The following KIAA1549L variants were observed in gnomAD, a reference collection of about 807,000 sequenced individuals.
KIAA1549L encodes KIAA1549 like.
A neutral mutation model predicts 160.7 loss-of-function variants in KIAA1549L; 88 were observed. The observed-to-expected ratio is 0.55, with a 90% CI of 0.46 to 0.65. KIAA1549L has a LOEUF of 0.65. Ranked by LOEUF, KIAA1549L falls within the 30% of genes least tolerant of loss-of-function variation. KIAA1549L has a pLI of 0.00. For synonymous variants in KIAA1549L, 950 were observed against 976.7 expected (o/e 0.97, Z 0.51); for missense variants, 2,258 against 2,437.5 (o/e 0.93, Z 1.55).
At chr11:33,473,298 A>G (rs1390647070) in intron 1 of KIAA1549L, among the ~76,000 whole-genome samples, 2 of 152,168 alleles carry the variant, frequency 1.3e-5, no homozygotes, top group Admixed American at 1.3e-4. Context: ...GGAAATTTTA[A>G]TGTAGAGTAT....
In KIAA1549L at chr11:33,441,680, G is replaced by C. The variant is rs1565138606; in HGVS notation, c.238+64791G>C. Among the ~76,000 whole-genome samples the C allele has an allele frequency of 6.6e-5, 10 of 152,238 alleles. No individual in the cohort carries two copies. The South Asian group carries it at 2.1e-3, about 32-fold the overall frequency. ...TTTCTCTGATGGCCAGTGATGATGA[G>C]CATTTTTTCATGTGTCTTTTGGCTG... is the stretch of plus-strand genomic sequence containing the variant. On this transcript the variant is annotated intron_variant, in intron 1 of 20. Transcript: ENST00000658780.
At chr11:33,575,602 T>G (rs1224775809) in intron 10 of KIAA1549L, among the ~76,000 whole-genome samples, 1 of 152,198 alleles carries the variant, frequency 6.6e-6, no homozygotes, top group Non-Finnish European at 1.5e-5. Flanking sequence ...AACAAGTGCT[T>G]AGGTGGCCCG....
At chr11:33,411,844 G>A (rs1850791177) in intron 1 of KIAA1549L, among the ~76,000 whole-genome samples, 1 of 152,166 alleles carries the variant, frequency 6.6e-6, no homozygotes, top group Non-Finnish European at 1.5e-5. Flanking sequence ...AAGAGACCAA[G>A]TTGGAGACTC....
chr11:33,629,125 C>T (rs1851203603), intron 16 of KIAA1549L, among the ~76,000 whole-genome samples: 1 of 152,186 alleles, frequency 6.6e-6, no homozygotes, highest in Non-Finnish European at 1.5e-5. Context: ...CCACTCTCTT[C>T]TGGCTTGTAG....
chr11:33,630,061 C>G (rs1053509043), intron 16 of KIAA1549L, among the ~76,000 whole-genome samples: 4 of 152,206 alleles, frequency 2.6e-5, no homozygotes, highest in Non-Finnish European at 2.9e-5. Flanking sequence ...AGGTGTCAGT[C>G]TGCCTCTGCT....
chr11:33,634,474 G>A (rs1851386865), intron 16 of KIAA1549L, among the ~76,000 whole-genome samples: 1 of 152,176 alleles, frequency 6.6e-6, no homozygotes, highest in South Asian at 2.1e-4. Context: ...TGACCTTTAA[G>A]GTAATGTTTT....
intron 1 of KIAA1549L, among the ~76,000 whole-genome samples, chr11:33,463,328 C>A (rs1851980918): frequency 6.6e-6 from 1 of 151,962 alleles, no homozygotes; most frequent in Non-Finnish European, 1.5e-5. Context: ...CTTAACTATT[C>A]TTCCTTTTTT....
chr11:33,443,660 A>G (rs562945490), intron 1 of KIAA1549L, among the ~76,000 whole-genome samples: 3 of 152,148 alleles, frequency 2.0e-5, no homozygotes, highest in Admixed American at 6.5e-5. Flanking sequence ...TTTTGGTGCC[A>G]TGAGCCCCTT....
chr11:33,568,440 A>G (rs938526436), intron 9 of KIAA1549L, among the ~76,000 whole-genome samples: 6 of 152,168 alleles, frequency 3.9e-5, no homozygotes, highest in Middle Eastern at 3.2e-3. Context: ...CTCTTCCGAC[A>G]TTGTCACTAA....
At position 33,671,618 on chromosome 11, in the gene KIAA1549L, C is replaced by CACACACA. The variant is rs1554934226; in HGVS notation, c.*3464_*3465insACACACA. On this transcript the variant is annotated 3_prime_UTR_variant, in exon 21 of 21. Transcript: ENST00000658780. Reference sequence around the variant, plus strand: ...CACACACACACACACACACACACACCCTACTTCGGAGAGAGAATGTAGAAT... The same window carrying CACACACA: ...CACACACACACACACACACACACACCACACACACTACTTCGGAGAGAGAATGTAGAAT... The CACACACA allele has an allele frequency of 1.1e-5, 1 of 92,508 alleles. No individual in the cohort carries two copies. Among genetic ancestry groups the CACACACA allele is most frequent in the African/African-American group, 3.8e-5 (1 of 26,540 alleles). The allele number at this position is 92,508 out of a possible 1,614,324, so 5.7% of individuals were successfully genotyped here.
At chr11:33,629,117 ACT>A (rs966366521) in intron 16 of KIAA1549L, among the ~76,000 whole-genome samples, 45 of 151,692 alleles carry the variant, frequency 3.0e-4, no homozygotes, top group African/African-American at 1.0e-3. Context: ...TTTGGCCCCC[ACT>A]CTCTTCTGGC....
At chr11:33,624,729 TTTC>T (rs924302122) in intron 16 of KIAA1549L, among the ~76,000 whole-genome samples, 22 of 151,648 alleles carry the variant, frequency 1.5e-4, no homozygotes, top group African/African-American at 5.1e-4. Context: ...TTTAAGAGAT[TTTC>T]TTTTTTTTTT....
At chr11:33,653,608 T>A (rs1312495932) in intron 17 of KIAA1549L, among the ~76,000 whole-genome samples, 1 of 152,226 alleles carries the variant, frequency 6.6e-6, no homozygotes, top group African/African-American at 2.4e-5. Flanking sequence ...CTTGGGATTA[T>A]TAATTTACTT....
intron 16 of KIAA1549L, among the ~76,000 whole-genome samples, chr11:33,643,537 G>A (rs1023618022): frequency 7.9e-5 from 12 of 152,204 alleles, no homozygotes; most frequent in Non-Finnish European, 1.5e-4. Flanking sequence ...CCACCTGGGA[G>A]CAGTTGAGCA....
chr11:33,542,202 C>A lies in KIAA1549L; in HGVS notation c.639C>A (p.Ser213=). The change falls in exon 2 of 21, where the codon TCC becomes TCA. Residue 213 remains serine, a synonymous_variant. Transcript: ENST00000658780. ...PSLSTVPSGT[S]FSAVPPSQPV... ...TGTCCACAGTCCCATCAGGGACATC[C>A]TTCAGTGCTGTCCCCCCATCCCAGC... 3.1e-6 allele frequency: 2 copies of A among 652,628 alleles called. No homozygotes were observed. Among genetic ancestry groups the A allele is most frequent in the Non-Finnish European group, 5.7e-6 (2 of 351,494 alleles). The allele number at this position is 652,628 out of a possible 1,614,324, so 40.4% of individuals were successfully genotyped here.
intron 12 of KIAA1549L, among the ~76,000 whole-genome samples, chr11:33,596,344 G>T (rs1214197908): frequency 6.6e-6 from 1 of 152,192 alleles, no homozygotes; most frequent in African/African-American, 2.4e-5. Context: ...GTTGGGTTTT[G>T]CTACAGAAAT....
intron 1 of KIAA1549L, among the ~76,000 whole-genome samples, chr11:33,483,645 G>A (rs1220453942): frequency 6.6e-6 from 1 of 152,094 alleles, no homozygotes; most frequent in African/African-American, 2.4e-5. Context: ...TGCTATGGGA[G>A]GGACCCATGG....
chr11:33,397,450 C>T (rs534142810), intron 1 of KIAA1549L, among the ~76,000 whole-genome samples: 4 of 151,654 alleles, frequency 2.6e-5, no homozygotes, highest in Admixed American at 6.6e-5. Flanking sequence ...GTGGCTCACG[C>T]CTGTAATCCC....
chr11:33,568,336 C>A, intron 9 of KIAA1549L, 109 bp downstream of exon 9: 2 of 1,033,666 alleles, frequency 1.9e-6, no homozygotes, highest in East Asian at 2.9e-5. Context: ...TCCATGCTGC[C>A]AACTGACTAA....
Sources: gnomAD v4.1 joint callset for allele counts (sites outside exome capture counted in the v4.1 genomes callset) on GRCh38, gnomAD v4.1.1 for gene constraint, MANE v1.5 for transcripts, NCBI Gene and HGNC (gene_info 2026-07-23, HGNC 2026-07-21) for gene names.